CYLD: variants seen among roughly 807,000 people sequenced by gnomAD.
The protein encoded by CYLD is ubiquitin carboxyl-terminal hydrolase CYLD.
CYLD carries 26 observed loss-of-function variants against 104.5 expected under a neutral mutation model. The ratio of observed to expected loss-of-function variants is 0.25; its 90% CI spans 0.18 to 0.35. The LOEUF is 0.35. Ranked by LOEUF, CYLD falls within the 10% of genes least tolerant of loss-of-function variation. CYLD has a pLI of 1.00. For missense variants in CYLD, 703 were observed against 1,136.1 expected (o/e 0.62, Z 5.48); for synonymous variants, 385 against 399.9 (o/e 0.96, Z 0.45).
chr16:50,790,966 A>G (rs1051152171), intron 14 of CYLD, among the ~76,000 whole-genome samples: 2 of 152,162 alleles, frequency 1.3e-5, no homozygotes, highest in African/African-American at 4.8e-5. Flanking sequence ...CTTACTTGGT[A>G]TTTGTTGAAT....
chr16:50,773,943 C>T (rs779547204), intron 5 of CYLD, among the ~76,000 whole-genome samples: 32 of 152,108 alleles, frequency 2.1e-4, no homozygotes, highest in Non-Finnish European at 4.1e-4. Context: ...AACTCCAGTG[C>T]CCCCCTGCTC....
rs763792744 is a variant in CYLD at position 50,751,775 on chromosome 16, G to T, written c.676G>T (p.Glu226Ter). Residue 226 changes from glutamate (E) to a stop codon, truncating the protein, a stop_gained, in exon 4 of 19, where the codon GAA becomes TAA. Coordinates refer to ENST00000427738, the MANE Select transcript of CYLD (RefSeq NM_001378743.1). LOFTEE classifies it high-confidence loss of function. ...AGGTCCTGGGGACACAATGCAGGTCGAACTTCCTCCTTTGGAAATAAACTC... is the reference window on the plus strand; with the variant it reads ...AGGTCCTGGGGACACAATGCAGGTCTAACTTCCTCCTTTGGAAATAAACTC... ...YAGPGDTMQV[E>*]LPPLEINSRV... The T allele has an allele frequency of 6.2e-7, 1 of 1,613,678 alleles. No homozygotes were observed. Among genetic ancestry groups the T allele is most frequent in the African/African-American group, 1.3e-5 (1 of 74,988 alleles).
chr16:50,794,405 T>C lies in CYLD; in HGVS notation c.2663T>C (p.Phe888Ser). 1 of 1,614,200 alleles carries C rather than the reference T, an allele frequency of 6.2e-7. No homozygotes were observed. Among genetic ancestry groups the C allele is most frequent in the South Asian group, 1.1e-5 (1 of 91,084 alleles). The change falls in exon 18 of 19, where the codon TTT becomes TCT. Residue 888 changes from phenylalanine to serine, a missense_variant. Transcript: ENST00000427738. This position sits in a 1 kb window ranked among gnomAD's most constrained non-coding sequence, Gnocchi z 4.1. Reference protein sequence around the residue: ...YGKDDSAWLFFDSMADRDGGQ... With the variant: ...YGKDDSAWLFSDSMADRDGGQ... Reference sequence around the variant, plus strand: ...AAGGACGATTCTGCCTGGCTCTTCTTTGACAGCATGGCCGATCGGGATGGT... The same window carrying C: ...AAGGACGATTCTGCCTGGCTCTTCTCTGACAGCATGGCCGATCGGGATGGT...
intron 13 of CYLD, chr16:50,787,505 C>T (rs975551788): frequency 5.7e-5 from 21 of 366,376 alleles, no homozygotes; most frequent in Non-Finnish European, 9.1e-5. Context: ...ACCTTAACCC[C>T]TCCAAAGGAA....
chr16:50,762,597 T>A (rs1017962584), intron 5 of CYLD, among the ~76,000 whole-genome samples: 2 of 152,248 alleles, frequency 1.3e-5, no homozygotes, highest in Non-Finnish European at 2.9e-5. Context: ...ATTGTAAGTT[T>A]AACTATCAGC....
At position 50,799,097 on chromosome 16, in the gene CYLD, T is replaced by G. The variant is rs1474816692; in HGVS notation, c.*2589T>G. The G allele has an allele frequency of 2.1e-5, 5 of 233,320 alleles. No individual in the cohort carries two copies. Among genetic ancestry groups the G allele is most frequent in the African/African-American group, 6.6e-5 (3 of 45,358 alleles). The allele number at this position is 233,320 out of a possible 1,614,324, so 14.5% of individuals were successfully genotyped here. ...GGGGCTTATGTGCCTGCTGGTTATT[T>G]AATTTTCAGCCTTAAGTTTTCTTTA... On this transcript the variant is annotated 3_prime_UTR_variant, in exon 19 of 19. Coordinates refer to ENST00000427738, the MANE Select transcript of CYLD (RefSeq NM_001378743.1).
At chr16:50,750,826 A>G (rs952704861) in intron 3 of CYLD, among the ~76,000 whole-genome samples, 4 of 152,206 alleles carry the variant, frequency 2.6e-5, no homozygotes, top group African/African-American at 9.6e-5. Context: ...ATGTTATTAA[A>G]TAACAATTTA....
intron 5 of CYLD, among the ~76,000 whole-genome samples, chr16:50,772,760 T>C (rs1969290301): frequency 6.6e-6 from 1 of 152,198 alleles, no homozygotes; most frequent in African/African-American, 2.4e-5. Context: ...CAGTAATACA[T>C]GGCTTTCATA....
intron 13 of CYLD, chr16:50,787,328 G>A (rs1243795835): frequency 3.4e-6 from 1 of 290,408 alleles, no homozygotes; most frequent in African/African-American, 2.2e-5. Context: ...TGCTAACTAG[G>A]ATTAAGTTTA....
rs1204801767 is a variant in CYLD at position 50,801,850 on chromosome 16, A to G, written c.*5342A>G. On this transcript the variant is annotated 3_prime_UTR_variant, in exon 19 of 19. Transcript: ENST00000427738. ...TCTGATTTAGCCTTAATTTTGTTAA[A>G]TTTTTTAGAGATGAATGAAGTGCTG... 4.3e-6 allele frequency: 1 copy of G among 232,936 alleles called. No individual in the cohort carries two copies. The allele number at this position is 232,936 out of a possible 1,614,324, so 14.4% of individuals were successfully genotyped here. A position where few individuals can be genotyped will look rare whatever the true frequency, so the allele number is the denominator to read the frequency against.
At chr16:50,775,091 A>G in intron 5 of CYLD, 75 bp from the exon 6 acceptor site, 1 of 1,242,454 alleles carries the variant, frequency 8.0e-7, no homozygotes, top group African/African-American at 1.5e-5. Flanking sequence ...TGTGTTTAAA[A>G]TGTAAAAATT....
intron 13 of CYLD, 94 bp downstream of exon 13, chr16:50,787,040 G>T: frequency 9.2e-7 from 1 of 1,081,470 alleles, no homozygotes; most frequent in Non-Finnish European, 1.4e-6. Context: ...TAGTTGGGGG[G>T]TTTTCTTTTA....
At chr16:50,771,675 A>T (rs1322839716) in intron 5 of CYLD, among the ~76,000 whole-genome samples, 1 of 152,194 alleles carries the variant, frequency 6.6e-6, no homozygotes, top group Non-Finnish European at 1.5e-5. Flanking sequence ...TTTTCCAAAA[A>T]GTTTCATAGA....
chr16:50,780,104 C>G lies in CYLD; in HGVS notation c.1518+60C>G. On this transcript the variant is annotated intron_variant, in intron 9 of 18. Coordinates refer to ENST00000427738, the MANE Select transcript of CYLD (RefSeq NM_001378743.1). Reference sequence around the variant, plus strand: ...TCTCTGTGAGGTTTTGTGCAGATTTCGCCCTATTATATGCTTTTTGACAAA... The same window carrying G: ...TCTCTGTGAGGTTTTGTGCAGATTTGGCCCTATTATATGCTTTTTGACAAA... The G allele has an allele frequency of 3.1e-6, 5 of 1,587,688 alleles. No homozygotes were observed. The South Asian group carries it at 5.5e-5, about 18-fold the overall frequency.
Position 50,779,740 on chromosome 16 carries a change from C to G in CYLD, c.1214C>G (p.Pro405Arg). 29 of 1,592,634 alleles carry G rather than the reference C, an allele frequency of 1.8e-5. No individual in the cohort carries two copies. Among genetic ancestry groups the G allele is most frequent in the Non-Finnish European group, 2.5e-5 (29 of 1,171,266 alleles). ...FDRSSPPLQP[P>R]PVNSLTTENR... The stretch of plus-strand genomic sequence containing the variant: ...CGTTCTTCACCACCACTCCAGCCTC[C>G]TCCTGTGAACTCACTGACCACCGAG... Residue 405 changes from proline to arginine, a missense_variant, in exon 9 of 19, where the codon CCT becomes CGT. By Grantham distance (103) the Pro-to-Arg change is moderately radical. This residue lies in a region of CYLD where 183 missense variants were observed against 212.1 expected (regional missense o/e 0.86). Coordinates refer to ENST00000427738, the MANE Select transcript of CYLD (RefSeq NM_001378743.1).
At chr16:50,758,551 G>A (rs1158652226) in intron 5 of CYLD, among the ~76,000 whole-genome samples, 2 of 152,238 alleles carry the variant, frequency 1.3e-5, no homozygotes, top group African/African-American at 4.8e-5. Flanking sequence ...AGACCAGGAA[G>A]GAGACTGTTG....
chr16:50,769,670 T>G (rs144476392), intron 5 of CYLD, among the ~76,000 whole-genome samples: 3 of 152,272 alleles, frequency 2.0e-5, no homozygotes, highest in African/African-American at 7.2e-5. Context: ...GCGGTAACAT[T>G]AACATGTTGT....
intron 5 of CYLD, among the ~76,000 whole-genome samples, chr16:50,774,871 CTTA>C (rs1471680674): frequency 6.6e-6 from 1 of 152,140 alleles, no homozygotes; most frequent in Non-Finnish European, 1.5e-5. Flanking sequence ...TAGCTTTTCT[CTTA>C]TTATATCACT....
At position 50,787,889 on chromosome 16, in the gene CYLD, A is replaced by G. The variant is rs755855161; in HGVS notation, c.2108+37A>G. ...ATTGTTCTAGAAGCATTGGAAAAAT[A>G]GACAATTCTCATTTCTACTGCCATT... On this transcript the variant is annotated intron_variant, in intron 14 of 18. Coordinates refer to ENST00000427738, the MANE Select transcript of CYLD (RefSeq NM_001378743.1). 11 of 1,197,314 alleles carry G rather than the reference A, an allele frequency of 9.2e-6. No homozygotes were observed. In the African/African-American group the frequency reaches 1.7e-4, roughly 18 times the overall value. 74.2% of individuals were successfully genotyped at this position (1,197,314 alleles called of 1,614,324 possible).
Sources: gnomAD v4.1 joint callset for allele counts (sites outside exome capture counted in the v4.1 genomes callset) on GRCh38, gnomAD v4.1.1 for gene constraint, gnomAD v4.1.1 regional missense constraint, Gnocchi (gnomAD v3.1) non-coding constraint, MANE v1.5 for transcripts, NCBI Gene and HGNC (gene_info 2026-07-23, HGNC 2026-07-21) for gene names.